The following CNTN5 variants were observed in gnomAD, a reference collection of about 807,000 sequenced individuals.
The protein encoded by CNTN5 is contactin-5.
CNTN5 carries 77 observed loss-of-function variants against 129.1 expected under a neutral mutation model. The observed-to-expected ratio is 0.60, with a 90% CI of 0.50 to 0.72. The LOEUF (loss-of-function observed/expected upper bound fraction) is 0.72, where lower values mean the gene tolerates loss of function less well. Ranked by LOEUF, CNTN5 falls within the 30% of genes least tolerant of loss-of-function variation. The pLI, the probability that CNTN5 is intolerant of heterozygous loss-of-function variation, is 0.00. For synonymous variants in CNTN5, 509 were observed against 465.6 expected, an observed-to-expected ratio of 1.09 and a Z score of -1.20; for missense variants, 1,478 against 1,328.8, an observed-to-expected ratio of 1.11 and a Z score of -1.75.
At chr11:99,034,477 T>G (rs1863595490) in intron 1 of CNTN5, among the ~76,000 whole-genome samples, 1 of 151,736 alleles carries the variant, frequency 6.6e-6, no homozygotes, top group Non-Finnish European at 1.5e-5. Flanking sequence ...GAGATTCAAC[T>G]TCTTCCTGGT....
In CNTN5 at chr11:99,045,805, C is replaced by CAA. The variant is rs1864181356; in HGVS notation, c.-210+24537_-210+24538dup. Among the ~76,000 whole-genome samples the CAA allele has an allele frequency of 3.9e-5, 6 of 152,202 alleles. No individual in the cohort carries two copies. The South Asian group carries it at 1.2e-3, about 32-fold the overall frequency. On this transcript the variant is annotated intron_variant, in intron 1 of 24. Coordinates refer to ENST00000524871, the MANE Select transcript of CNTN5 (RefSeq NM_014361.4). ...CATAATTTAAAGAAATCTCACTGGG[C>CAA]AAATAACCCATTGAAAACCAGTGGT... is the stretch of plus-strand genomic sequence containing the variant.
At chr11:99,038,482 A>C (rs1591086634) in intron 1 of CNTN5, among the ~76,000 whole-genome samples, 1 of 152,116 alleles carries the variant, frequency 6.6e-6, no homozygotes, top group Non-Finnish European at 1.5e-5. Flanking sequence ...ATTCCTGTTA[A>C]CTGTAGTCAT....
intron 2 of CNTN5, among the ~76,000 whole-genome samples, chr11:99,452,507 G>T (rs1176571043): frequency 2.0e-5 from 3 of 151,234 alleles, no homozygotes; most frequent in Non-Finnish European, 4.4e-5. Flanking sequence ...CAAGTAGCTG[G>T]GACTACAGGT....
intron 9 of CNTN5, among the ~76,000 whole-genome samples, chr11:100,053,250 A>C (rs927396304): frequency 6.6e-6 from 1 of 151,748 alleles, no homozygotes; most frequent in Non-Finnish European, 1.5e-5. Flanking sequence ...GATTAAAAGA[A>C]CTTCATCAAA....
chr11:99,586,266 T>G (rs1183837823), intron 3 of CNTN5, among the ~76,000 whole-genome samples: 1 of 152,156 alleles, frequency 6.6e-6, no homozygotes, highest in Non-Finnish European at 1.5e-5. Context: ...AATGAAAACA[T>G]TTGTGCTAAC....
chr11:99,430,803 A>C (rs1436542452), intron 2 of CNTN5, among the ~76,000 whole-genome samples: 6 of 152,144 alleles, frequency 3.9e-5, no homozygotes, highest in Non-Finnish European at 5.9e-5. Flanking sequence ...CTCCTACTAC[A>C]TAAATATCAA....
rs1447466320 is a variant in CNTN5, at chr11:100,223,710, G to A, written c.1885-982G>A. On this transcript the variant is annotated intron_variant, in intron 15 of 24. Transcript: ENST00000524871. ...GAGTTCTTTGATGTCATTTCAAGCA[G>A]CATGCATCTTATCTTATTCCAGTCA... Among the ~76,000 whole-genome samples, 3 of 152,112 alleles carry A rather than the reference G, an allele frequency of 2.0e-5. No homozygotes were observed. The East Asian group carries it at 5.8e-4, about 29-fold the overall frequency.
At chr11:99,267,955 C>T (rs1371315199) in intron 1 of CNTN5, among the ~76,000 whole-genome samples, 1 of 145,236 alleles carries the variant, frequency 6.9e-6, no homozygotes, top group African/African-American at 2.6e-5. Flanking sequence ...CACACACACA[C>T]ACATTATACA....
chr11:99,325,232 A>T (rs1408330872), intron 1 of CNTN5, 114 bp from the exon 2 acceptor site: 1 of 152,140 alleles, frequency 6.6e-6, no homozygotes, highest in South Asian at 2.1e-4. Context: ...GATTGTATGT[A>T]TAACTAAATA....
At chr11:99,176,094 A>T (rs138969846) in intron 1 of CNTN5, among the ~76,000 whole-genome samples, 1 of 152,296 alleles carries the variant, frequency 6.6e-6, no homozygotes. Context: ...GCTAAACCCA[A>T]TGGCAAATAC....
chr11:99,563,218 T>C (rs1948897065), intron 3 of CNTN5, among the ~76,000 whole-genome samples: 1 of 152,222 alleles, frequency 6.6e-6, no homozygotes, highest in South Asian at 2.1e-4. Context: ...AACTCTTTTC[T>C]TTTAATGATA....
intron 3 of CNTN5, among the ~76,000 whole-genome samples, chr11:99,669,007 T>G (rs563842736): frequency 6.6e-6 from 1 of 152,178 alleles, no homozygotes; most frequent in Admixed American, 6.6e-5. Flanking sequence ...TTTTGAAATA[T>G]GTATTTTCTA....
At chr11:99,845,297 A>G in intron 6 of CNTN5, 35 bp downstream of exon 6, 1 of 1,367,920 alleles carries the variant, frequency 7.3e-7, no homozygotes, top group Non-Finnish European at 1.0e-6. Flanking sequence ...ATATATATGT[A>G]TATAGTGTGT....
At chr11:99,875,589 C>T (rs1008352123) in intron 6 of CNTN5, among the ~76,000 whole-genome samples, 1 of 152,086 alleles carries the variant, frequency 6.6e-6, no homozygotes, top group Non-Finnish European at 1.5e-5. Flanking sequence ...TATATAGCTC[C>T]TGGAAAACTT....
At chr11:99,261,374 G>A (rs1216312971) in intron 1 of CNTN5, among the ~76,000 whole-genome samples, 2 of 151,992 alleles carry the variant, frequency 1.3e-5, no homozygotes, top group African/African-American at 2.4e-5. Flanking sequence ...TGGGTTTAAT[G>A]TAGTAAAACA....
intron 3 of CNTN5, among the ~76,000 whole-genome samples, chr11:99,598,721 A>G (rs1394309757): frequency 6.6e-6 from 1 of 151,894 alleles, no homozygotes; most frequent in African/African-American, 2.4e-5. Context: ...AGGAAAGGGC[A>G]TATGTAGGTG....
intron 18 of CNTN5, among the ~76,000 whole-genome samples, chr11:100,278,549 G>T (rs1370026760): frequency 6.6e-6 from 1 of 151,750 alleles, no homozygotes; most frequent in African/African-American, 2.4e-5. Context: ...CCTAAGTGTT[G>T]TATTTTATTT....
chr11:99,198,602 A>G (rs1859021453), intron 1 of CNTN5, among the ~76,000 whole-genome samples: 1 of 152,184 alleles, frequency 6.6e-6, no homozygotes, highest in African/African-American at 2.4e-5. Flanking sequence ...ATAAATTTCA[A>G]CTTTTAATCA....
In CNTN5 at chr11:100,256,079, G is replaced by A. The variant is rs568280305; in HGVS notation, c.2164+161G>A. On this transcript the variant is annotated intron_variant, in intron 17 of 24. Coordinates refer to ENST00000524871, the MANE Select transcript of CNTN5 (RefSeq NM_014361.4). Reference sequence around the variant, plus strand: ...TTGCTTCTTTTTATGAACCTGAGAAGAGCAAGGTACCTTGCTTTCCTCTTT... The same window carrying A: ...TTGCTTCTTTTTATGAACCTGAGAAAAGCAAGGTACCTTGCTTTCCTCTTT... 1.2e-3 allele frequency among the ~76,000 whole-genome samples: 178 copies of A among 152,250 alleles called. 3 individuals carry two copies. The highest frequency in any genetic ancestry group is 3.2e-3 in the African/African-American group (134 of 41,544).
Sources: gnomAD v4.1 joint callset for allele counts (sites outside exome capture counted in the v4.1 genomes callset) on GRCh38, gnomAD v4.1.1 for gene constraint, MANE v1.5 for transcripts, NCBI Gene and HGNC (gene_info 2026-07-23, HGNC 2026-07-21) for gene names.